The following CTNNA2 variants were observed in gnomAD, a reference collection of about 807,000 sequenced individuals.
The protein encoded by CTNNA2 is catenin alpha-2.
Under a neutral mutation model 101.0 loss-of-function variants are expected in CTNNA2, and 42 were observed. That is an observed-to-expected ratio of 0.42 (90% CI 0.32 to 0.54). The LOEUF is 0.54. Ranked by LOEUF, CTNNA2 falls within the 20% of genes least tolerant of loss-of-function variation. The probability of loss-of-function intolerance (pLI) is 0.14; values close to 1 mark genes in which losing one functional copy is unlikely to be tolerated. For missense variants in CTNNA2, 871 were observed against 1,223.1 expected, an observed-to-expected ratio of 0.71 and a Z score of 4.29; for synonymous variants, 450 against 456.4, an observed-to-expected ratio of 0.99 and a Z score of 0.18.
chr2:79,999,855 A>G (rs1202940612), intron 7 of CTNNA2, among the ~76,000 whole-genome samples: 1 of 152,204 alleles, frequency 6.6e-6, no homozygotes, highest in Non-Finnish European at 1.5e-5. Context: ...TAAGCAGAGA[A>G]GAGCCACAGG....
chr2:80,207,646 T>C (rs1224681389), intron 7 of CTNNA2, among the ~76,000 whole-genome samples: 1 of 152,150 alleles, frequency 6.6e-6, no homozygotes, highest in Non-Finnish European at 1.5e-5. Context: ...AAGTTCAGTC[T>C]GGGACAAGTT....
chr2:80,557,737 C>A (rs1000905047), intron 12 of CTNNA2, among the ~76,000 whole-genome samples: 1 of 152,086 alleles, frequency 6.6e-6, no homozygotes, highest in African/African-American at 2.4e-5. Flanking sequence ...AACAGGAGTG[C>A]CACTTACTAG....
At chr2:80,588,370 G>A (rs76306871) in intron 14 of CTNNA2, among the ~76,000 whole-genome samples, 4,670 of 152,206 alleles carry the variant, frequency 0.031, 221 homozygotes, top group African/African-American at 0.1. Flanking sequence ...TTTACAGTAC[G>A]AGAGCTGAAA....
chr2:80,150,857 A>T (rs1257771357), intron 7 of CTNNA2, among the ~76,000 whole-genome samples: 1 of 152,176 alleles, frequency 6.6e-6, no homozygotes, highest in Non-Finnish European at 1.5e-5. Context: ...TTTTATTTTC[A>T]GGCAGATCAT....
intron 3 of CTNNA2, among the ~76,000 whole-genome samples, chr2:79,345,580 C>T (rs1180315911): frequency 1.3e-5 from 2 of 152,248 alleles, no homozygotes; most frequent in East Asian, 1.9e-4. Flanking sequence ...TTATTAGTCA[C>T]GGTAAAGCAT....
chr2:79,751,593 C>CAAAAAAAA (rs397985098), intron 3 of CTNNA2, among the ~76,000 whole-genome samples: 72 of 68,758 alleles, frequency 1.0e-3, no homozygotes, highest in Non-Finnish European at 1.5e-3. Flanking sequence ...GACTCCATCT[C>CAAAAAAAA]AAAAAAAAAA....
intron 8 of CTNNA2, among the ~76,000 whole-genome samples, chr2:80,414,834 A>G (rs1259854671): frequency 6.6e-6 from 1 of 152,172 alleles, no homozygotes; most frequent in Non-Finnish European, 1.5e-5. Context: ...TAGGTCTTCT[A>G]GGGAGGCATT....
chr2:80,217,417 T>G (rs1001274379), intron 7 of CTNNA2, among the ~76,000 whole-genome samples: 4 of 152,072 alleles, frequency 2.6e-5, no homozygotes, highest in African/African-American at 9.7e-5. Context: ...GTGCAAATCA[T>G]CTAACCTCTC....
intron 8 of CTNNA2, among the ~76,000 whole-genome samples, chr2:80,393,864 G>C (rs1677751117): frequency 6.6e-6 from 1 of 152,188 alleles, no homozygotes; most frequent in Admixed American, 6.5e-5. Context: ...GAAATCTCCG[G>C]TCAGGGCCCT....
intron 7 of CTNNA2, among the ~76,000 whole-genome samples, chr2:79,994,463 A>G (rs1441378757): frequency 6.6e-6 from 1 of 152,116 alleles, no homozygotes. Flanking sequence ...GCTTTTTGAA[A>G]GCGACCTTGT....
intron 7 of CTNNA2, among the ~76,000 whole-genome samples, chr2:80,140,839 T>C (rs1398556527): frequency 6.6e-6 from 1 of 152,050 alleles, no homozygotes; most frequent in Non-Finnish European, 1.5e-5. Flanking sequence ...CATCCCAAAC[T>C]GATTGCGAGT....
intron 7 of CTNNA2, among the ~76,000 whole-genome samples, chr2:80,254,554 A>T (rs1327771503): frequency 6.6e-6 from 1 of 152,188 alleles, no homozygotes; most frequent in Non-Finnish European, 1.5e-5. Context: ...CTAAGGGTCG[A>T]CTGACCTAGT....
At chr2:80,473,310 G>A (rs1257163952) in intron 9 of CTNNA2, among the ~76,000 whole-genome samples, 1 of 152,256 alleles carries the variant, frequency 6.6e-6, no homozygotes, top group East Asian at 1.9e-4. Context: ...CTGCTGGCAC[G>A]TTGCAAAGTG....
At chr2:79,866,947 A>C (rs1261061575) in intron 4 of CTNNA2, among the ~76,000 whole-genome samples, 1 of 152,178 alleles carries the variant, frequency 6.6e-6, no homozygotes, top group Non-Finnish European at 1.5e-5. Flanking sequence ...AGAGCTTGCC[A>C]ATGACATCGT....
At chr2:79,688,208 G>C (rs997351143) in intron 2 of CTNNA2, among the ~76,000 whole-genome samples, 1 of 152,122 alleles carries the variant, frequency 6.6e-6, no homozygotes, top group South Asian at 2.1e-4. Context: ...ATTTCCACAG[G>C]TGTATTTCAA....
At chr2:79,831,128 C>T (rs1336877226) in intron 3 of CTNNA2, among the ~76,000 whole-genome samples, 2 of 151,828 alleles carry the variant, frequency 1.3e-5, no homozygotes, top group Non-Finnish European at 2.9e-5. Flanking sequence ...CTATAGTTTG[C>T]TTAATCATTT....
intron 7 of CTNNA2, among the ~76,000 whole-genome samples, chr2:80,050,486 C>T (rs915586845): frequency 6.6e-6 from 1 of 152,162 alleles, no homozygotes; most frequent in African/African-American, 2.4e-5. Flanking sequence ...CATTGTGCTC[C>T]CAGCTACCAG....
At chr2:79,464,246 T>A (rs1194718388) in intron 4 of CTNNA2, among the ~76,000 whole-genome samples, 1 of 152,162 alleles carries the variant, frequency 6.6e-6, no homozygotes, top group Non-Finnish European at 1.5e-5. Context: ...GGTTTTTTTG[T>A]CCTTGTGGTA....
chr2:80,397,980 C>G (rs1438197771), intron 8 of CTNNA2, among the ~76,000 whole-genome samples: 1 of 152,090 alleles, frequency 6.6e-6, no homozygotes, highest in African/African-American at 2.4e-5. Context: ...ACCTCTACAA[C>G]TCTAAGATTT....
Sources: allele counts gnomAD v4.1 joint callset (sites outside exome capture counted in the v4.1 genomes callset), GRCh38; gene constraint gnomAD v4.1.1; transcripts MANE v1.5; gene names NCBI Gene and HGNC (gene_info 2026-07-23, HGNC 2026-07-21).